The following MAP4K4 variants were observed in gnomAD, a reference collection of about 807,000 sequenced individuals.
MAP4K4 encodes HPK/GCK-like kinase HGK.
In MAP4K4, 38 loss-of-function variants were observed where a neutral mutation model predicts 189.6. The ratio of observed to expected loss-of-function variants is 0.20; its 90% CI spans 0.15 to 0.26. The LOEUF is 0.26. Among genes scored for constraint, MAP4K4 ranks in the 10% least tolerant of loss-of-function variants. The probability of loss-of-function intolerance (pLI) is 1.00; values close to 1 mark genes in which losing one functional copy is unlikely to be tolerated. For missense variants in MAP4K4, 1,054 were observed against 1,726.9 expected, an observed-to-expected ratio of 0.61 and a Z score of 6.91; for synonymous variants, 610 against 624.3, an observed-to-expected ratio of 0.98 and a Z score of 0.34.
chr2:101,772,823 T>A (rs562876728), intron 2 of MAP4K4, among the ~76,000 whole-genome samples: 1 of 152,344 alleles, frequency 6.6e-6, no homozygotes, highest in East Asian at 1.9e-4. Context: ...ATGTCAGTCT[T>A]CATCTTCACT....
chr2:101,841,790 G>GA (rs986314821), intron 10 of MAP4K4, among the ~76,000 whole-genome samples: 1 of 151,926 alleles, frequency 6.6e-6, no homozygotes, highest in African/African-American at 2.4e-5. Flanking sequence ...GTATATCTTT[G>GA]AAAAAAATAG....
intron 26 of MAP4K4, among the ~76,000 whole-genome samples, chr2:101,874,904 G>C (rs1262031249): frequency 6.6e-6 from 1 of 152,096 alleles, no homozygotes; most frequent in African/African-American, 2.4e-5. Flanking sequence ...GCTTTATCTT[G>C]TTACTCCCTC....
chr2:101,743,341 G>A (rs551853072), intron 2 of MAP4K4, among the ~76,000 whole-genome samples: 9 of 152,140 alleles, frequency 5.9e-5, no homozygotes, highest in Non-Finnish European at 1.2e-4. Context: ...GTAACAAAAC[G>A]ACAGAGTTCT....
At chr2:101,872,671 G>A (rs1435323562) in intron 24 of MAP4K4, among the ~76,000 whole-genome samples, 1 of 152,146 alleles carries the variant, frequency 6.6e-6, no homozygotes, top group African/African-American at 2.4e-5. Context: ...CTGACTCATG[G>A]GACAGGGAGG....
At chr2:101,700,690 T>C (rs2037947915) in intron 2 of MAP4K4, among the ~76,000 whole-genome samples, 1 of 152,224 alleles carries the variant, frequency 6.6e-6, no homozygotes, top group South Asian at 2.1e-4. Flanking sequence ...GTTTCTTTTT[T>C]ACACAATCAC....
intron 3 of MAP4K4, among the ~76,000 whole-genome samples, chr2:101,799,246 A>G (rs375760259): frequency 7.9e-5 from 12 of 152,338 alleles, no homozygotes; most frequent in African/African-American, 2.6e-4. Flanking sequence ...TGCCTACTTC[A>G]GAGGCTTTTG....
intron 3 of MAP4K4, among the ~76,000 whole-genome samples, chr2:101,811,145 G>A (rs1001286601): frequency 6.6e-6 from 1 of 151,962 alleles, no homozygotes. Context: ...AGGCCGAGGC[G>A]GGTGGATCAC....
chr2:101,807,973 G>A (rs1334947474), intron 3 of MAP4K4, among the ~76,000 whole-genome samples: 1 of 152,220 alleles, frequency 6.6e-6, no homozygotes, highest in African/African-American at 2.4e-5. Context: ...CAGCATTGGG[G>A]ATTACAGTTT....
chr2:101,710,777 A>G (rs926104700), intron 2 of MAP4K4, among the ~76,000 whole-genome samples: 2 of 152,212 alleles, frequency 1.3e-5, no homozygotes, highest in African/African-American at 4.8e-5. Flanking sequence ...GCATAGATAT[A>G]TGTGGAGCAG....
chr2:101,867,949 T>C, intron 20 of MAP4K4, 80 bp from the exon 21 acceptor site: 1 of 1,420,426 alleles, frequency 7.0e-7, no homozygotes, highest in Non-Finnish European at 9.9e-7. Flanking sequence ...TCTCCCCTTC[T>C]TTCTCCCGCG....
intron 2 of MAP4K4, among the ~76,000 whole-genome samples, chr2:101,768,774 T>C (rs55916478): frequency 0.054 from 8,255 of 152,312 alleles, 264 homozygotes; most frequent in Middle Eastern, 0.088. Flanking sequence ...GGAGCCTGTT[T>C]GATTAAGTGA....
At chr2:101,809,270 T>C (rs2095258293) in intron 3 of MAP4K4, among the ~76,000 whole-genome samples, 1 of 152,172 alleles carries the variant, frequency 6.6e-6, no homozygotes, top group East Asian at 1.9e-4. Context: ...ATGTGGCTTT[T>C]AGATTGTAAA....
rs528422067 is a variant in MAP4K4, at chr2:101,796,422, C to T, written c.180+5646C>T. Among the ~76,000 whole-genome samples the T allele has an allele frequency of 3.9e-5, 6 of 152,256 alleles. No individual in the cohort carries two copies. In the East Asian group the frequency reaches 7.7e-4, roughly 20 times the overall value. On this transcript the variant is annotated intron_variant, in intron 3 of 32. Transcript: ENST00000324219. ...AAAGAGCCCACTCCCTTCTGTCTGT[C>T]GGTGAAGAACTGCAGCTCAGAGACG...
At chr2:101,820,415 A>G (rs909958736) in intron 3 of MAP4K4, among the ~76,000 whole-genome samples, 2 of 152,206 alleles carry the variant, frequency 1.3e-5, no homozygotes, top group Admixed American at 1.3e-4. Context: ...ATTAAAATAA[A>G]TATTTTGATT....
intron 3 of MAP4K4, among the ~76,000 whole-genome samples, chr2:101,804,494 T>G (rs1200042457): frequency 6.6e-6 from 1 of 152,194 alleles, no homozygotes; most frequent in Non-Finnish European, 1.5e-5. Context: ...CTTTGTCAGT[T>G]ATCTGATGGT....
intron 26 of MAP4K4, among the ~76,000 whole-genome samples, chr2:101,876,315 G>A (rs986265257): frequency 4.6e-5 from 7 of 152,186 alleles, no homozygotes; most frequent in Admixed American, 4.6e-4. Context: ...GCAGAGGGCA[G>A]GTGTGGAAAT....
At chr2:101,801,614 T>A (rs1268201174) in intron 3 of MAP4K4, among the ~76,000 whole-genome samples, 1 of 152,162 alleles carries the variant, frequency 6.6e-6, no homozygotes, top group African/African-American at 2.4e-5. Flanking sequence ...AGTGAGCCAC[T>A]CTTACCAGTT....
At chr2:101,713,595 T>TAAA (rs35743081) in intron 2 of MAP4K4, among the ~76,000 whole-genome samples, 1 of 117,696 alleles carries the variant, frequency 8.5e-6, no homozygotes, top group Non-Finnish European at 1.8e-5. Flanking sequence ...AGACCTTGTC[T>TAAA]AAAAAAAAAA....
In MAP4K4 at chr2:101,877,098, C is replaced by T. The variant is rs1254271667; in HGVS notation, c.3337C>T (p.Gln1113Ter). ...TCCTCTTATCAACCGAAGACGATTT[C>T]AACAAATGGACGTACTTGAGGGCTT... Residue 1113 changes from glutamine to a stop codon, truncating the protein, a stop_gained, in exon 27 of 33, where the codon CAA (glutamine) becomes TAA (stop). Coordinates refer to ENST00000324219, the Ensembl canonical transcript of MAP4K4. LOFTEE classifies it high-confidence loss of function. 6.2e-7 allele frequency: 1 copy of T among 1,613,924 alleles called. No homozygotes were observed. The highest frequency in any genetic ancestry group is 8.5e-7 in the Non-Finnish European group (1 of 1,179,870).
Sources: gnomAD v4.1 joint callset for allele counts (sites outside exome capture counted in the v4.1 genomes callset) on GRCh38, gnomAD v4.1.1 for gene constraint, MANE v1.5 for transcripts, NCBI Gene and HGNC (gene_info 2026-07-23, HGNC 2026-07-21) for gene names.